SLC14A2: variants seen among roughly 807,000 people sequenced by gnomAD.
SLC14A2 encodes urea transporter 2.
Under a neutral mutation model 104.6 loss-of-function variants are expected in SLC14A2, and 91 were observed. The observed-to-expected ratio is 0.87, with a 90% confidence interval of 0.73 to 1.04. SLC14A2 has a LOEUF of 1.04. Among genes scored for constraint, SLC14A2 ranks in the 50% least tolerant of loss-of-function variants. SLC14A2 has a pLI of 0.00. For missense variants in SLC14A2, 1,189 were observed against 1,156.0 expected (o/e 1.03, Z -0.41); for synonymous variants, 476 against 466.4 (o/e 1.02, Z -0.27).
intron 10 of SLC14A2, among the ~76,000 whole-genome samples, chr18:45,645,904 C>T (rs1008822906): frequency 3.3e-5 from 5 of 152,026 alleles, no homozygotes; most frequent in East Asian, 3.9e-4. Context: ...AACTGGTGGG[C>T]GGTGCACAGG....
At position 45,548,698 on chromosome 18, in the gene SLC14A2, T is replaced by C. The variant is rs537964373; in HGVS notation, c.-35+65376T>C. Among the ~76,000 whole-genome samples the C allele has an allele frequency of 3.9e-5, 6 of 152,314 alleles. No homozygotes were observed. In the South Asian group the frequency reaches 1.2e-3, roughly 32 times the overall value. ...CAGCCTGGGCAATGGAATGAGATCC[T>C]GAAAACAAAAAATAAGAATCACATA... On this transcript the variant is annotated intron_variant, in intron 2 of 20. Transcript: ENST00000586448.
intron 1 of SLC14A2, among the ~76,000 whole-genome samples, chr18:45,332,704 A>G (rs1338742310): frequency 6.6e-6 from 1 of 152,236 alleles, no homozygotes; most frequent in East Asian, 1.9e-4. Flanking sequence ...CAAAGTCTCA[A>G]TCCAGGTTGA....
At chr18:45,606,734 T>TAAAAAAAAAAACAAAAAAAAAA (rs2044875464) in intron 2 of SLC14A2, among the ~76,000 whole-genome samples, 1 of 76,614 alleles carries the variant, frequency 1.3e-5, no homozygotes, top group Non-Finnish European at 2.8e-5. Context: ...AAAGTCTAAT[T>TAAAAAAAAAAACAAAAAAAAAA]AAAAAAAAAA....
At chr18:45,672,856 TC>T in intron 16 of SLC14A2, 43 bp from the exon 17 acceptor site, 1 of 1,570,922 alleles carries the variant, frequency 6.4e-7, no homozygotes, top group Non-Finnish European at 8.6e-7. Flanking sequence ...TCAAGTTGTC[TC>T]TTTTGCCTCC....
At chr18:45,341,284 G>A (rs916688230) in intron 1 of SLC14A2, among the ~76,000 whole-genome samples, 1 of 152,138 alleles carries the variant, frequency 6.6e-6, no homozygotes, top group Non-Finnish European at 1.5e-5. Context: ...AATCGATGGA[G>A]GATAAAATAG....
At chr18:45,487,535 A>G (rs2087631182) in intron 2 of SLC14A2, among the ~76,000 whole-genome samples, 1 of 152,134 alleles carries the variant, frequency 6.6e-6, no homozygotes, top group African/African-American at 2.4e-5. Flanking sequence ...GTCAGTAGAG[A>G]GTTGGTTGGT....
intron 1 of SLC14A2, among the ~76,000 whole-genome samples, chr18:45,416,303 T>C (rs2086276885): frequency 6.6e-6 from 1 of 151,270 alleles, no homozygotes; most frequent in African/African-American, 2.4e-5. Flanking sequence ...CTCAGATTTA[T>C]GAGCATTGTG....
chr18:45,197,952 G>A, the SLC14A2 span, among the ~76,000 whole-genome samples: 2 of 152,112 alleles, frequency 1.3e-5, no homozygotes, highest in Non-Finnish European at 2.9e-5. Flanking sequence ...ACTTTCAAAA[G>A]TCATTTCTAA....
Position 45,666,179 on chromosome 18 carries a change from C to T in SLC14A2, c.1517C>T (p.Pro506Leu), listed in dbSNP as rs778549971. 1.9e-6 allele frequency: 3 copies of T among 1,613,922 alleles called. No individual in the cohort carries two copies. Residue 506 changes from proline (P) to leucine (L), a missense_variant, in exon 12 of 20, where the codon CCA (proline) becomes CTA (leucine). Pro to Leu is a moderately conservative substitution (Grantham distance 98). Transcript: ENST00000255226. ...GEHQERQNKD[P>L]FPYRYRKPTV... is the part of the protein sequence containing the mutation. ...CACCAGGAAAGACAAAACAAAGACC[C>T]ATTTCCCTATCGATACCGGAAGCCC...
intron 1 of SLC14A2, among the ~76,000 whole-genome samples, chr18:45,472,845 T>C (rs1240683334): frequency 1.3e-5 from 2 of 152,204 alleles, no homozygotes; most frequent in Non-Finnish European, 2.9e-5. Flanking sequence ...ACTCTGATGA[T>C]AGTTTCTTTT....
At chr18:45,450,847 G>C (rs1175586616) in intron 1 of SLC14A2, among the ~76,000 whole-genome samples, 2 of 152,194 alleles carry the variant, frequency 1.3e-5, no homozygotes, top group African/African-American at 4.8e-5. Context: ...GAGACAAATG[G>C]GGAAGGTAGT....
chr18:45,624,938 C>T (rs2045235997), intron 2 of SLC14A2, 124 bp downstream of exon 2: 2 of 930,544 alleles, frequency 2.1e-6, no homozygotes, highest in African/African-American at 3.3e-5. Flanking sequence ...ACTGTCAGTA[C>T]ATGGTGACAC....
In SLC14A2 at chr18:45,533,376, G is replaced by T. The variant is rs937081403; in HGVS notation, c.-35+50054G>T. ...TATTAATTATTGCCTCAATTTCAGA[G>T]CCTGTTATTGGCCTATTCAGAGATT... On this transcript the variant is annotated intron_variant, in intron 2 of 20. Transcript: ENST00000586448. 4.6e-5 allele frequency among the ~76,000 whole-genome samples: 7 copies of T among 152,244 alleles called. No individual in the cohort carries two copies. The South Asian group carries it at 8.3e-4, about 18-fold the overall frequency.
intron 10 of SLC14A2, 93 bp downstream of exon 10, chr18:45,644,253 C>T (rs1341573488): frequency 1.5e-6 from 2 of 1,297,462 alleles, no homozygotes; most frequent in African/African-American, 2.9e-5. Context: ...TTGCAGCACT[C>T]ACCTTCTTTG....
intron 10 of SLC14A2, among the ~76,000 whole-genome samples, chr18:45,659,197 G>C (rs933349219): frequency 1.3e-5 from 2 of 152,222 alleles, no homozygotes; most frequent in Non-Finnish European, 2.9e-5. Context: ...CCTCCAAGCA[G>C]CCAGGTGCTG....
intron 2 of SLC14A2, among the ~76,000 whole-genome samples, chr18:45,606,763 A>C (rs1024993097): frequency 9.9e-5 from 7 of 70,910 alleles, no homozygotes; most frequent in African/African-American, 3.0e-4. Flanking sequence ...CAAAAACAAA[A>C]AAAAAAAACA....
intron 2 of SLC14A2, among the ~76,000 whole-genome samples, chr18:45,545,021 C>A (rs1205070294): frequency 6.6e-6 from 1 of 151,848 alleles, no homozygotes; most frequent in Admixed American, 6.6e-5. Flanking sequence ...CTCGAACTCC[C>A]GACCTCAGGT....
chr18:45,248,996 T>C (rs2084394544), intron 1 of SLC14A2, among the ~76,000 whole-genome samples: 1 of 152,202 alleles, frequency 6.6e-6, no homozygotes, highest in Admixed American at 6.5e-5. Flanking sequence ...ATAATTTTTC[T>C]CTTTTAAATT....
At chr18:45,639,944 C>T in intron 7 of SLC14A2, 51 bp downstream of exon 7, 2 of 1,531,346 alleles carry the variant, frequency 1.3e-6, no homozygotes, top group Non-Finnish European at 1.8e-6. Flanking sequence ...CACTCAAGGT[C>T]ACTTTTCCCC....
Sources: allele counts gnomAD v4.1 joint callset (sites outside exome capture counted in the v4.1 genomes callset), GRCh38; gene constraint gnomAD v4.1.1; transcripts MANE v1.5; gene names NCBI Gene and HGNC (gene_info 2026-07-23, HGNC 2026-07-21).